Variants in CDH4 observed in about 807,000 individuals in gnomAD.
CDH4 encodes cadherin 4.
Under a neutral mutation model 86.0 loss-of-function variants are expected in CDH4, and 33 were observed. The ratio of observed to expected loss-of-function variants is 0.38; its 90% confidence interval spans 0.29 to 0.51. The LOEUF (loss-of-function observed/expected upper bound fraction) is 0.51. Among genes scored for constraint, CDH4 ranks in the 20% least tolerant of loss-of-function variants. The pLI is 0.86. For synonymous variants in CDH4, 555 were observed against 549.4 expected (o/e 1.01, Z -0.14); for missense variants, 1,114 against 1,307.4 (o/e 0.85, Z 2.28).
intron 2 of CDH4, among the ~76,000 whole-genome samples, chr20:61,405,897 G>A (rs1384937163): frequency 6.6e-6 from 1 of 152,094 alleles, no homozygotes; most frequent in Non-Finnish European, 1.5e-5. Context: ...AGCCAAGATG[G>A]TCTCGATCTC....
intron 2 of CDH4, among the ~76,000 whole-genome samples, chr20:61,740,157 C>T (rs901437804): frequency 6.6e-6 from 1 of 152,190 alleles, no homozygotes; most frequent in African/African-American, 2.4e-5. Flanking sequence ...AATGTCTCAG[C>T]ATTGTTAGAA....
intron 2 of CDH4, among the ~76,000 whole-genome samples, chr20:61,271,650 G>T (rs543544642): frequency 6.6e-6 from 1 of 152,126 alleles, no homozygotes; most frequent in South Asian, 2.1e-4. Context: ...TTCTTACAGC[G>T]GTGCGTGAAG....
At chr20:61,765,301 T>C (rs1286121808) in intron 3 of CDH4, among the ~76,000 whole-genome samples, 1 of 152,154 alleles carries the variant, frequency 6.6e-6, no homozygotes, top group Non-Finnish European at 1.5e-5. Flanking sequence ...ACCAGGCATC[T>C]GGGGCACACT....
intron 2 of CDH4, among the ~76,000 whole-genome samples, chr20:61,495,168 G>A (rs374339756): frequency 1.3e-5 from 2 of 152,246 alleles, no homozygotes; most frequent in Non-Finnish European, 2.9e-5. Flanking sequence ...AGAAGGCGGC[G>A]GTGGCCTCGT....
At chr20:61,485,589 A>G (rs1241154131) in intron 2 of CDH4, among the ~76,000 whole-genome samples, 5 of 152,182 alleles carry the variant, frequency 3.3e-5, no homozygotes, top group Non-Finnish European at 5.9e-5. Context: ...CAAGGATTGC[A>G]GGGTACTGGT....
At chr20:61,613,837 G>C (rs1223799296) in intron 2 of CDH4, among the ~76,000 whole-genome samples, 3 of 151,160 alleles carry the variant, frequency 2.0e-5, no homozygotes, top group Admixed American at 6.6e-5. Context: ...CCAACATCCT[G>C]AAGCTCAAAT....
At chr20:61,565,563 C>A (rs1358796324) in intron 2 of CDH4, among the ~76,000 whole-genome samples, 4 of 152,002 alleles carry the variant, frequency 2.6e-5, no homozygotes, top group African/African-American at 7.3e-5. Flanking sequence ...ACCTGAGGCC[C>A]ATGAGGTCCC....
At chr20:61,674,106 TCTG>T (rs2087419908) in intron 2 of CDH4, among the ~76,000 whole-genome samples, 1 of 152,144 alleles carries the variant, frequency 6.6e-6, no homozygotes, top group African/African-American at 2.4e-5. Flanking sequence ...CTAGCTTTCT[TCTG>T]CAGCCCAGAA....
chr20:61,814,614 C>T (rs983926472), intron 4 of CDH4, among the ~76,000 whole-genome samples: 1 of 152,190 alleles, frequency 6.6e-6, no homozygotes, highest in Non-Finnish European at 1.5e-5. Flanking sequence ...AATGGACCCC[C>T]GTTAAAGGAA....
At chr20:61,492,016 A>G (rs1252610182) in intron 2 of CDH4, among the ~76,000 whole-genome samples, 5 of 146,584 alleles carry the variant, frequency 3.4e-5, no homozygotes, top group South Asian at 4.5e-4. Flanking sequence ...GGTGGTGTCA[A>G]TATTGTCGAT....
chr20:61,544,860 A>AG lies in CDH4; in HGVS notation c.170-198697dup, dbSNP rs1240472225. 5.9e-5 allele frequency among the ~76,000 whole-genome samples: 9 copies of AG among 152,088 alleles called. No individual in the cohort carries two copies. Among genetic ancestry groups the AG allele is most frequent in the Admixed American group, 5.9e-4 (9 of 15,288 alleles). On this transcript the variant is annotated intron_variant, in intron 2 of 15. Coordinates refer to ENST00000614565, the MANE Select transcript of CDH4 (RefSeq NM_001794.5). This position sits in a 1 kb window ranked among gnomAD's most constrained non-coding sequence, Gnocchi z 6.5. ...AAAACTTGAGCTTTTAATTGAGGGG[A>AG]GGGGGGATGCACTAGGGGGTCTTGG... is the stretch of plus-strand genomic sequence containing the variant.
intron 2 of CDH4, among the ~76,000 whole-genome samples, chr20:61,467,368 G>C (rs2085478464): frequency 6.6e-6 from 1 of 152,338 alleles, no homozygotes; most frequent in Non-Finnish European, 1.5e-5. Context: ...GAAATGTTCT[G>C]TAGAAGCATC....
At chr20:61,603,499 G>A (rs2086619172) in intron 2 of CDH4, among the ~76,000 whole-genome samples, 1 of 152,184 alleles carries the variant, frequency 6.6e-6, no homozygotes, top group Non-Finnish European at 1.5e-5. Context: ...CTGGAAGGGA[G>A]GCAGGGCCAG....
intron 6 of CDH4, among the ~76,000 whole-genome samples, chr20:61,860,549 G>T (rs1401319120): frequency 6.6e-6 from 1 of 152,192 alleles, no homozygotes; most frequent in Non-Finnish European, 1.5e-5. Flanking sequence ...GCTCCCAGGA[G>T]ATGTCTGGGA....
At chr20:61,836,342 T>C (rs973974292) in intron 4 of CDH4, among the ~76,000 whole-genome samples, 3 of 152,334 alleles carry the variant, frequency 2.0e-5, no homozygotes, top group South Asian at 4.2e-4. Context: ...AAGGGCATTT[T>C]TGAGAAGGAG....
chr20:61,900,902 C>T (rs1985365793), intron 8 of CDH4, among the ~76,000 whole-genome samples: 1 of 152,224 alleles, frequency 6.6e-6, no homozygotes, highest in Non-Finnish European at 1.5e-5. Flanking sequence ...TGGCAGCGTA[C>T]CTGACTCAAA....
chr20:61,821,710 G>T (rs1297321412), intron 4 of CDH4, among the ~76,000 whole-genome samples: 1 of 152,226 alleles, frequency 6.6e-6, no homozygotes, highest in Non-Finnish European at 1.5e-5. Flanking sequence ...GTCTACTTTG[G>T]ATCTACAGGA....
intron 7 of CDH4, among the ~76,000 whole-genome samples, chr20:61,887,815 C>A (rs111656200): frequency 2.6e-5 from 4 of 152,168 alleles, no homozygotes; most frequent in African/African-American, 7.2e-5. Context: ...GTCCTTCTGG[C>A]GGTGCCATGC....
At chr20:61,546,123 G>T (rs1294535018) in intron 2 of CDH4, among the ~76,000 whole-genome samples, 67 of 96,200 alleles carry the variant, frequency 7.0e-4, no homozygotes, top group Middle Eastern at 6.6e-3. Flanking sequence ...TGTGTGTGGG[G>T]GTATGTGGGA....
Sources: allele counts gnomAD v4.1 joint callset (sites outside exome capture counted in the v4.1 genomes callset), GRCh38; gene constraint gnomAD v4.1.1; non-coding constraint Gnocchi (gnomAD v3.1); transcripts MANE v1.5; gene names NCBI Gene and HGNC (gene_info 2026-07-23, HGNC 2026-07-21).